The following NRG3 variants were observed in gnomAD, a reference collection of about 807,000 sequenced individuals.
NRG3 encodes the protein neuregulin 3.
A neutral mutation model predicts 66.9 loss-of-function variants in NRG3; 31 were observed. That is an observed-to-expected ratio of 0.46 (90% CI 0.35 to 0.63). The LOEUF is 0.63. Ranked by LOEUF, NRG3 falls within the 20% of genes least tolerant of loss-of-function variation. The pLI, the probability that NRG3 is intolerant of heterozygous loss-of-function variation, is 0.00. For missense variants in NRG3, 910 were observed against 878.9 expected, an observed-to-expected ratio of 1.04 and a Z score of -0.45; for synonymous variants, 393 against 359.4, an observed-to-expected ratio of 1.09 and a Z score of -1.06.
At chr10:82,196,881 C>G (rs2074478893) in intron 1 of NRG3, among the ~76,000 whole-genome samples, 1 of 152,168 alleles carries the variant, frequency 6.6e-6, no homozygotes, top group Non-Finnish European at 1.5e-5. Context: ...TAGAAAGCCT[C>G]TTAGGAATCA....
chr10:82,404,803 C>T lies in NRG3; in HGVS notation c.953+45935C>T, dbSNP rs1471061105. Among the ~76,000 whole-genome samples, 34 of 152,048 alleles carry T rather than the reference C, an allele frequency of 2.2e-4. 1 individual carries two copies. The highest frequency in any genetic ancestry group is 2.2e-3 in the Admixed American group (34 of 15,256). On this transcript the variant is annotated intron_variant, in intron 2 of 8. Coordinates refer to ENST00000372141, the MANE Select transcript of NRG3 (RefSeq NM_001010848.4). ...ACATGGTTGTAAACAGAAAGGACACCCATTTTTGCATTAAATGCCATTAGC... is the reference window on the plus strand; with the variant it reads ...ACATGGTTGTAAACAGAAAGGACACTCATTTTTGCATTAAATGCCATTAGC...
intron 2 of NRG3, among the ~76,000 whole-genome samples, chr10:82,506,750 A>G (rs1456564689): frequency 6.6e-6 from 1 of 152,170 alleles, no homozygotes; most frequent in African/African-American, 2.4e-5. Flanking sequence ...TATGCATTAC[A>G]CTATAAACCA....
At chr10:82,572,562 C>T (rs1441433048) in intron 2 of NRG3, among the ~76,000 whole-genome samples, 1 of 151,412 alleles carries the variant, frequency 6.6e-6, no homozygotes, top group East Asian at 1.9e-4. Flanking sequence ...TTAAAGCACT[C>T]ATTTAAAAGA....
chr10:82,607,925 T>C (rs2048067721), intron 2 of NRG3, among the ~76,000 whole-genome samples: 1 of 152,168 alleles, frequency 6.6e-6, no homozygotes. Flanking sequence ...CACTTTTCCA[T>C]GAGTTACAAT....
intron 2 of NRG3, among the ~76,000 whole-genome samples, chr10:82,660,717 C>T (rs2052289572): frequency 6.6e-6 from 1 of 152,078 alleles, no homozygotes; most frequent in Non-Finnish European, 1.5e-5. Context: ...TTTTTTCTAA[C>T]TGTTTGAGTT....
At chr10:82,100,279 A>C (rs982395897) in intron 1 of NRG3, among the ~76,000 whole-genome samples, 1 of 151,852 alleles carries the variant, frequency 6.6e-6, no homozygotes, top group Non-Finnish European at 1.5e-5. Context: ...TTTTTTGTGG[A>C]TGCCTTTGAA....
At chr10:82,746,949 G>T (rs977324923) in intron 3 of NRG3, among the ~76,000 whole-genome samples, 1 of 152,026 alleles carries the variant, frequency 6.6e-6, no homozygotes, top group African/African-American at 2.4e-5. Flanking sequence ...CAGGCATGGC[G>T]GTATGCACCT....
At chr10:82,186,519 C>T (rs1032443331) in intron 1 of NRG3, among the ~76,000 whole-genome samples, 1 of 152,140 alleles carries the variant, frequency 6.6e-6, no homozygotes, top group African/African-American at 2.4e-5. Context: ...GACAAATTTG[C>T]AGGGTATGTG....
chr10:82,578,404 T>A (rs894881648), intron 2 of NRG3, among the ~76,000 whole-genome samples: 2 of 150,856 alleles, frequency 1.3e-5, no homozygotes, highest in Admixed American at 1.3e-4. Flanking sequence ...GAAAGCTATA[T>A]GGTTTCTGTG....
intron 1 of NRG3, among the ~76,000 whole-genome samples, chr10:82,334,986 A>T (rs568123437): frequency 6.6e-6 from 1 of 152,212 alleles, no homozygotes; most frequent in South Asian, 2.1e-4. Context: ...CATTTTAAAA[A>T]ATCTTAGCTG....
chr10:82,708,921 A>T (rs1889706), intron 2 of NRG3, among the ~76,000 whole-genome samples: 3 of 151,752 alleles, frequency 2.0e-5, no homozygotes, highest in African/African-American at 7.3e-5. Context: ...GTGCTCATAT[A>T]TCTTTGTATT....
rs552716377 is a variant in NRG3 at position 82,658,326 on chromosome 10, A to G, written c.954-80251A>G. Reference sequence around the variant, plus strand: ...ATAACCATCTCAAATGAGAAAACTTATTTAACAGAATCCAACATTCATTCC... The same window carrying G: ...ATAACCATCTCAAATGAGAAAACTTGTTTAACAGAATCCAACATTCATTCC... On this transcript the variant is annotated intron_variant, in intron 2 of 8. Transcript: ENST00000372141. Among the ~76,000 whole-genome samples, 4 of 152,288 alleles carry G rather than the reference A, an allele frequency of 2.6e-5. No individual in the cohort carries two copies. In the South Asian group the frequency reaches 8.3e-4, roughly 32 times the overall value.
At chr10:82,707,243 A>G (rs1474460583) in intron 2 of NRG3, among the ~76,000 whole-genome samples, 2 of 151,908 alleles carry the variant, frequency 1.3e-5, no homozygotes, top group African/African-American at 4.8e-5. Context: ...TAAATTCAAC[A>G]TTTCACAGTG....
intron 2 of NRG3, among the ~76,000 whole-genome samples, chr10:82,500,605 G>A (rs1323985151): frequency 6.6e-6 from 1 of 150,902 alleles, no homozygotes; most frequent in Non-Finnish European, 1.5e-5. Context: ...AATCCTTTCA[G>A]TGGGTCTTTA....
At chr10:82,783,543 A>C (rs1339712814) in intron 3 of NRG3, among the ~76,000 whole-genome samples, 1 of 152,132 alleles carries the variant, frequency 6.6e-6, no homozygotes. Flanking sequence ...AAAAATCACA[A>C]GCATTCTTAT....
chr10:82,176,763 C>G (rs914442117), intron 1 of NRG3, among the ~76,000 whole-genome samples: 3 of 152,038 alleles, frequency 2.0e-5, no homozygotes, highest in Non-Finnish European at 4.4e-5. Context: ...TTTCCTTGAC[C>G]TGTTTCACAG....
chr10:82,117,093 G>A (rs2067772812), intron 1 of NRG3, among the ~76,000 whole-genome samples: 1 of 152,032 alleles, frequency 6.6e-6, no homozygotes, highest in Non-Finnish European at 1.5e-5. Context: ...ACCTTAGATG[G>A]CCGATAGCCA....
At chr10:82,010,429 A>G (rs1013637858) in intron 1 of NRG3, among the ~76,000 whole-genome samples, 1 of 152,218 alleles carries the variant, frequency 6.6e-6, no homozygotes, top group African/African-American at 2.4e-5. Context: ...TGTTAGGTTC[A>G]GATTGTTAAG....
chr10:82,407,413 C>T (rs1393084758), intron 2 of NRG3, among the ~76,000 whole-genome samples: 7 of 152,078 alleles, frequency 4.6e-5, no homozygotes, highest in Non-Finnish European at 7.4e-5. Flanking sequence ...GTTTTTGAAT[C>T]AGATAATCTT....
Sources: allele counts gnomAD v4.1 joint callset (sites outside exome capture counted in the v4.1 genomes callset), GRCh38; gene constraint gnomAD v4.1.1; transcripts MANE v1.5; gene names NCBI Gene and HGNC (gene_info 2026-07-23, HGNC 2026-07-21).